Variants in PPP1R9A observed in about 807,000 individuals in gnomAD.
The protein encoded by PPP1R9A is neurabin-1.
PPP1R9A carries 59 observed loss-of-function variants against 141.9 expected under a neutral mutation model. The observed-to-expected ratio is 0.42, with a 90% CI of 0.34 to 0.52. PPP1R9A has a LOEUF of 0.52. PPP1R9A is among the 20% of genes least tolerant of loss of function. PPP1R9A has a pLI of 0.10. For missense variants in PPP1R9A, 1,444 were observed against 1,611.9 expected (o/e 0.90, Z 1.78); for synonymous variants, 500 against 569.7 (o/e 0.88, Z 1.74).
intron 8 of PPP1R9A, among the ~76,000 whole-genome samples, chr7:95,244,576 C>A (rs111372744): frequency 2.6e-5 from 4 of 152,270 alleles, no homozygotes; most frequent in African/African-American, 9.6e-5. Context: ...AGCTGCATGC[C>A]ACGTATTTGG....
At chr7:95,037,973 G>A (rs1279238011) in intron 2 of PPP1R9A, among the ~76,000 whole-genome samples, 2 of 150,766 alleles carry the variant, frequency 1.3e-5, no homozygotes, top group African/African-American at 4.9e-5. Context: ...AAAGCTAAGT[G>A]TGGTGGCAAG....
chr7:95,027,573 T>A (rs1366671848), intron 2 of PPP1R9A, among the ~76,000 whole-genome samples: 1 of 152,204 alleles, frequency 6.6e-6, no homozygotes, highest in Non-Finnish European at 1.5e-5. Context: ...ATTTTTATAG[T>A]CATGTGTCAC....
intron 2 of PPP1R9A, among the ~76,000 whole-genome samples, chr7:95,012,539 G>A (rs962313846): frequency 6.6e-6 from 1 of 152,024 alleles, no homozygotes; most frequent in Non-Finnish European, 1.5e-5. Flanking sequence ...TGCTCTTTAG[G>A]ATACCTTTGG....
chr7:94,981,506 G>C (rs943279014), intron 2 of PPP1R9A, among the ~76,000 whole-genome samples: 4 of 152,014 alleles, frequency 2.6e-5, no homozygotes, highest in Non-Finnish European at 5.9e-5. Flanking sequence ...CAAAGTGTTG[G>C]GTTTACAGGC....
chr7:95,078,392 T>C (rs1815209701), intron 2 of PPP1R9A, among the ~76,000 whole-genome samples: 1 of 151,756 alleles, frequency 6.6e-6, no homozygotes, highest in African/African-American at 2.4e-5. Flanking sequence ...GTTGGACATT[T>C]GGGTTGGTTC....
chr7:95,025,273 G>A (rs138440564), intron 2 of PPP1R9A, among the ~76,000 whole-genome samples: 2,033 of 152,090 alleles, frequency 0.013, 50 homozygotes, highest in African/African-American at 0.047. Flanking sequence ...CACCATGTTG[G>A]CCAGGCTGTT....
chr7:95,240,841 G>A (rs1797348838), intron 8 of PPP1R9A, among the ~76,000 whole-genome samples: 1 of 151,986 alleles, frequency 6.6e-6, no homozygotes, highest in Admixed American at 6.6e-5. Context: ...ACTTATTTGT[G>A]TGTTCAAGTT....
At chr7:95,123,997 G>C (rs1320213211) in intron 4 of PPP1R9A, among the ~76,000 whole-genome samples, 1 of 152,140 alleles carries the variant, frequency 6.6e-6, no homozygotes, top group Non-Finnish European at 1.5e-5. Context: ...AGAAACTTTA[G>C]AGTTTTTATA....
intron 2 of PPP1R9A, among the ~76,000 whole-genome samples, chr7:95,073,174 CAG>C (rs1295065781): frequency 6.6e-6 from 1 of 150,914 alleles, no homozygotes; most frequent in Non-Finnish European, 1.5e-5. Context: ...TTTGTAGAGA[CAG>C]GGTTTCACCA....
At chr7:95,240,984 A>T (rs1463237972) in intron 8 of PPP1R9A, among the ~76,000 whole-genome samples, 2 of 152,022 alleles carry the variant, frequency 1.3e-5, no homozygotes, top group Non-Finnish European at 2.9e-5. Context: ...TTGATTATGA[A>T]TCTCATTTCT....
chr7:94,992,540 G>A (rs1801647949), intron 2 of PPP1R9A, among the ~76,000 whole-genome samples: 1 of 152,132 alleles, frequency 6.6e-6, no homozygotes, highest in Admixed American at 6.6e-5. Flanking sequence ...TAAAGAAACT[G>A]CCAAACTGTT....
intron 4 of PPP1R9A, among the ~76,000 whole-genome samples, chr7:95,122,436 C>T (rs935788483): frequency 6.6e-6 from 1 of 152,160 alleles, no homozygotes; most frequent in Non-Finnish European, 1.5e-5. Flanking sequence ...TGTGAGCCAC[C>T]TTGCCTGGCC....
chr7:95,122,052 TTA>T (rs1440088819), intron 4 of PPP1R9A, among the ~76,000 whole-genome samples: 2 of 152,236 alleles, frequency 1.3e-5, no homozygotes, highest in African/African-American at 4.8e-5. Context: ...TTAAATTTTT[TTA>T]TGTTTAAGTA....
Position 95,078,680 on chromosome 7 carries a change from T to C in PPP1R9A, c.1396-32579T>C, listed in dbSNP as rs909995015. 3.9e-5 allele frequency among the ~76,000 whole-genome samples: 6 copies of C among 152,226 alleles called. No homozygotes were observed. In the East Asian group the frequency reaches 7.7e-4, roughly 20 times the overall value. On this transcript the variant is annotated intron_variant, in intron 2 of 19. Transcript: ENST00000433360. ...TTTTAATGATTGCCATTCTAACTGG[T>C]GTGAGATGCTATCTCATTGTGGTTT...
chr7:95,152,183 C>A (rs1014431583), intron 4 of PPP1R9A, among the ~76,000 whole-genome samples: 1 of 151,908 alleles, frequency 6.6e-6, no homozygotes, highest in Non-Finnish European at 1.5e-5. Context: ...ATCTCTTGAC[C>A]TCGTGATCCA....
chr7:95,140,550 A>G (rs933887210), intron 4 of PPP1R9A, among the ~76,000 whole-genome samples: 2 of 151,864 alleles, frequency 1.3e-5, no homozygotes, highest in African/African-American at 2.4e-5. Context: ...CATTGTGCCC[A>G]GCTAATTTTT....
intron 2 of PPP1R9A, among the ~76,000 whole-genome samples, chr7:94,978,540 C>T (rs905374018): frequency 1.3e-5 from 2 of 152,084 alleles, no homozygotes; most frequent in Non-Finnish European, 2.9e-5. Flanking sequence ...TTTACATTGC[C>T]AATTCATTTC....
chr7:95,057,393 A>G (rs995935892), intron 2 of PPP1R9A, among the ~76,000 whole-genome samples: 4 of 152,148 alleles, frequency 2.6e-5, no homozygotes, highest in African/African-American at 7.2e-5. Context: ...GCTATATTTT[A>G]GTAGTAACTA....
At chr7:94,985,170 T>C (rs1033375010) in intron 2 of PPP1R9A, among the ~76,000 whole-genome samples, 3 of 152,230 alleles carry the variant, frequency 2.0e-5, no homozygotes, top group African/African-American at 7.2e-5. Flanking sequence ...CCCTGAGTTC[T>C]AGTTTGATTG....
Sources: gnomAD v4.1 joint callset for allele counts (sites outside exome capture counted in the v4.1 genomes callset) on GRCh38, gnomAD v4.1.1 for gene constraint, MANE v1.5 for transcripts, NCBI Gene and HGNC (gene_info 2026-07-23, HGNC 2026-07-21) for gene names.